Variants in PTPRT observed in about 807,000 individuals in gnomAD.
The protein encoded by PTPRT is protein tyrosine phosphatase receptor type T.
PTPRT carries 56 observed loss-of-function variants against 176.8 expected under a neutral mutation model. That is an observed-to-expected ratio of 0.32 (90% CI 0.26 to 0.40). The LOEUF is 0.40. Among genes scored for constraint, PTPRT ranks in the 10% least tolerant of loss-of-function variants. The probability of loss-of-function intolerance (pLI) is 1.00; values close to 1 mark genes in which losing one functional copy is unlikely to be tolerated. For missense variants in PTPRT, 1,540 were observed against 1,908.2 expected, an observed-to-expected ratio of 0.81 and a Z score of 3.60; for synonymous variants, 783 against 739.0, an observed-to-expected ratio of 1.06 and a Z score of -0.96.
chr20:42,711,113 G>A (rs1316608092), intron 6 of PTPRT, among the ~76,000 whole-genome samples: 1 of 152,182 alleles, frequency 6.6e-6, no homozygotes, highest in Non-Finnish European at 1.5e-5. Context: ...GGTATTGTAG[G>A]CTCATGGATG....
intron 6 of PTPRT, among the ~76,000 whole-genome samples, chr20:42,730,289 C>T (rs58351796): frequency 6.6e-6 from 1 of 152,004 alleles, no homozygotes; most frequent in African/African-American, 2.4e-5. Context: ...AATAAGACCA[C>T]CAAAAGGGAA....
rs112184093 is a variant in PTPRT, at chr20:43,163,238, C to T, written c.88+26408G>A. Among the ~76,000 whole-genome samples, 922 of 152,238 alleles carry T rather than the reference C, an allele frequency of 6.1e-3. 14 individuals carry two copies. Among genetic ancestry groups the T allele is most frequent in the African/African-American group, 0.02 (849 of 41,524 alleles). ...ACAGAGTGCTCACTTTTTGACAGTC[C>T]GTTCTATAACACAAATCTTGCTTGG... On this transcript the variant is annotated intron_variant, in intron 1 of 30. Coordinates refer to ENST00000373187, the MANE Select transcript of PTPRT (RefSeq NM_007050.6).
chr20:43,160,479 A>G (rs2014663057), intron 1 of PTPRT, among the ~76,000 whole-genome samples: 1 of 152,182 alleles, frequency 6.6e-6, no homozygotes, highest in Non-Finnish European at 1.5e-5. Context: ...GGACTTTGCT[A>G]AGAATCTCAC....
At chr20:42,449,202 A>G (rs2070783876) in intron 8 of PTPRT, among the ~76,000 whole-genome samples, 1 of 152,194 alleles carries the variant, frequency 6.6e-6, no homozygotes, top group Admixed American at 6.5e-5. Flanking sequence ...CTTGTTGTTG[A>G]GTCCCAATGC....
At chr20:42,369,130 A>T (rs965756221) in intron 9 of PTPRT, among the ~76,000 whole-genome samples, 4 of 149,352 alleles carry the variant, frequency 2.7e-5, no homozygotes, top group African/African-American at 9.9e-5. Context: ...CCGTCCATCA[A>T]TCCATCCATC....
At chr20:42,992,328 A>G (rs552356157) in intron 1 of PTPRT, among the ~76,000 whole-genome samples, 1 of 152,348 alleles carries the variant, frequency 6.6e-6, no homozygotes, top group South Asian at 2.1e-4. Flanking sequence ...TAGTTCATAT[A>G]TAGTGTCAAT....
chr20:42,277,896 C>T (rs1451149047), intron 13 of PTPRT, among the ~76,000 whole-genome samples: 1 of 148,784 alleles, frequency 6.7e-6, no homozygotes, highest in East Asian at 2.0e-4. Context: ...ATCCATCCAT[C>T]CATCCATCCA....
intron 16 of PTPRT, among the ~76,000 whole-genome samples, chr20:42,177,688 C>G (rs1990347863): frequency 6.6e-6 from 1 of 152,048 alleles, no homozygotes; most frequent in African/African-American, 2.4e-5. Context: ...GATTTAGTGG[C>G]TTTAGTTTGG....
intron 15 of PTPRT, among the ~76,000 whole-genome samples, chr20:42,208,143 C>T (rs1239596463): frequency 1.7e-4 from 21 of 124,992 alleles, no homozygotes; most frequent in Admixed American, 6.5e-4. Context: ...CTGAAGGAAG[C>T]GCTAAACATG....
intron 6 of PTPRT, among the ~76,000 whole-genome samples, chr20:42,730,415 G>C (rs917497098): frequency 4.6e-5 from 7 of 152,200 alleles, no homozygotes; most frequent in African/African-American, 1.7e-4. Flanking sequence ...CTGGGAAAGT[G>C]TTAGAAGCAA....
intron 1 of PTPRT, among the ~76,000 whole-genome samples, chr20:43,110,145 T>C (rs894280491): frequency 2.6e-5 from 4 of 152,014 alleles, no homozygotes; most frequent in African/African-American, 9.7e-5. Flanking sequence ...CTTCCACTCA[T>C]GATGGAAGGT....
At chr20:43,005,394 C>T (rs894784740) in intron 1 of PTPRT, among the ~76,000 whole-genome samples, 5 of 152,064 alleles carry the variant, frequency 3.3e-5, no homozygotes, top group Non-Finnish European at 7.4e-5. Context: ...GGACTTTGCA[C>T]GTATTCTCAA....
chr20:42,729,649 G>A (rs1481308396), intron 6 of PTPRT, among the ~76,000 whole-genome samples: 1 of 152,234 alleles, frequency 6.6e-6, no homozygotes, highest in African/African-American at 2.4e-5. Context: ...CAGAGGAAAG[G>A]AGTGATCCAG....
At chr20:43,022,239 T>A (rs966997732) in intron 1 of PTPRT, among the ~76,000 whole-genome samples, 1 of 152,190 alleles carries the variant, frequency 6.6e-6, no homozygotes, top group African/African-American at 2.4e-5. Context: ...ATAAACTTGG[T>A]GAATTCTTCA....
intron 9 of PTPRT, among the ~76,000 whole-genome samples, chr20:42,379,023 C>T (rs995445316): frequency 3.3e-5 from 5 of 152,188 alleles, no homozygotes; most frequent in African/African-American, 1.2e-4. Context: ...TTCTACCGTG[C>T]CCCCACAGCT....
At chr20:42,456,199 C>T (rs1175737291) in intron 8 of PTPRT, among the ~76,000 whole-genome samples, 2 of 151,920 alleles carry the variant, frequency 1.3e-5, no homozygotes, top group Non-Finnish European at 2.9e-5. Context: ...ATACCACATA[C>T]TTGTTAGGTT....
At chr20:42,225,850 G>A (rs1157274365) in intron 15 of PTPRT, among the ~76,000 whole-genome samples, 1 of 152,026 alleles carries the variant, frequency 6.6e-6, no homozygotes, top group Admixed American at 6.6e-5. Flanking sequence ...ATGGGGTCTC[G>A]CCATGTTGGT....
At chr20:42,270,516 A>G (rs2056916492) in intron 13 of PTPRT, 8 of 1,451,334 alleles carry the variant, frequency 5.5e-6, no homozygotes, top group South Asian at 1.2e-5. Context: ...AGAAACACAC[A>G]TGAAAACGTG....
At chr20:42,823,080 A>G (rs949076013) in intron 2 of PTPRT, among the ~76,000 whole-genome samples, 1 of 152,212 alleles carries the variant, frequency 6.6e-6, no homozygotes, top group African/African-American at 2.4e-5. Flanking sequence ...ATAAAGACAC[A>G]TGCACATGTA....
Sources: allele counts gnomAD v4.1 joint callset (sites outside exome capture counted in the v4.1 genomes callset), GRCh38; gene constraint gnomAD v4.1.1; transcripts MANE v1.5; gene names NCBI Gene and HGNC (gene_info 2026-07-23, HGNC 2026-07-21).